Variants in LCORL observed in about 807,000 individuals in gnomAD.
LCORL encodes ligand-dependent nuclear receptor corepressor-like protein.
LCORL carries 41 observed loss-of-function variants against 141.8 expected under a neutral mutation model. The ratio of observed to expected loss-of-function variants is 0.29; its 90% CI spans 0.23 to 0.38. LCORL has a LOEUF of 0.38. LCORL is among the 10% of genes least tolerant of loss of function. LCORL has a pLI of 1.00. For missense variants in LCORL, 1,759 were observed against 2,035.0 expected, an observed-to-expected ratio of 0.86 and a Z score of 2.61; for synonymous variants, 618 against 694.1, an observed-to-expected ratio of 0.89 and a Z score of 1.72.
At chr4:17,982,788 T>C (rs903116932) in intron 1 of LCORL, among the ~76,000 whole-genome samples, 1 of 152,210 alleles carries the variant, frequency 6.6e-6, no homozygotes, top group Non-Finnish European at 1.5e-5. Context: ...ATTTGCCAAT[T>C]TTTGTTTTCA....
At chr4:17,987,458 T>C (rs926351266) in intron 1 of LCORL, among the ~76,000 whole-genome samples, 2 of 152,230 alleles carry the variant, frequency 1.3e-5, no homozygotes, top group Non-Finnish European at 2.9e-5. Context: ...ATTGATTTGC[T>C]AGCTAATGAA....
chr4:17,889,449 T>C (rs764506203), intron 5 of LCORL, among the ~76,000 whole-genome samples: 39 of 152,146 alleles, frequency 2.6e-4, no homozygotes, highest in Non-Finnish European at 5.1e-4. Flanking sequence ...AAAATTCTTT[T>C]ATCAATTAAT....
intron 6 of LCORL, chr4:17,881,251 G>A: frequency 1.0e-6 from 1 of 982,294 alleles, no homozygotes; most frequent in Non-Finnish European, 1.2e-6. Flanking sequence ...TGCTGAAACG[G>A]GATTTTTCAG....
chr4:17,965,323 T>A (rs1714653768), intron 2 of LCORL, among the ~76,000 whole-genome samples: 1 of 152,058 alleles, frequency 6.6e-6, no homozygotes, highest in African/African-American at 2.4e-5. Context: ...TTTTGAAAAA[T>A]CAACTCTAGG....
intron 4 of LCORL, among the ~76,000 whole-genome samples, chr4:17,955,337 G>A (rs2109562566): frequency 6.6e-6 from 1 of 152,242 alleles, no homozygotes; most frequent in East Asian, 1.9e-4. Context: ...TCAGTGGAGT[G>A]GTAGGAAAGA....
intron 7 of LCORL, among the ~76,000 whole-genome samples, chr4:17,862,085 A>G (rs1725078321): frequency 1.3e-5 from 2 of 152,148 alleles, no homozygotes; most frequent in Admixed American, 1.3e-4. Flanking sequence ...GGTTGCTTCC[A>G]GATTTTCAGG....
exon 8 of LCORL, chr4:17,842,908 T>A (rs1560237195): frequency 6.2e-6 from 1 of 161,824 alleles, no homozygotes; most frequent in African/African-American, 2.4e-5. Flanking sequence ...GGGAAACTTG[T>A]TTTTTACTAT....
At chr4:17,895,741 C>T (rs1168155451) in intron 5 of LCORL, among the ~76,000 whole-genome samples, 1 of 152,180 alleles carries the variant, frequency 6.6e-6, no homozygotes, top group Non-Finnish European at 1.5e-5. Flanking sequence ...AACCAGTAAT[C>T]TACTTTCTAT....
In LCORL at chr4:17,898,969, TGACA is replaced by T. The variant is rs532313478; in HGVS notation, c.682+10121_682+10124del. The stretch of plus-strand genomic sequence containing the variant: ...GAAAATGTCTGTTGCTTAACAGCTT[TGACA>T]AACAGGGTATATAGCTAAACTTGAA... On this transcript the variant is annotated intron_variant, in intron 5 of 7. Transcript: ENST00000635767. Among the ~76,000 whole-genome samples, 32 of 152,344 alleles carry T rather than the reference TGACA, an allele frequency of 2.1e-4. 1 individual carries two copies. In the South Asian group the frequency reaches 3.7e-3, roughly 18 times the overall value.
At chr4:18,007,496 T>C (rs1459701476) in intron 1 of LCORL, among the ~76,000 whole-genome samples, 2 of 152,194 alleles carry the variant, frequency 1.3e-5, no homozygotes, top group African/African-American at 4.8e-5. Context: ...CTGTATATGC[T>C]TCTATTATCG....
chr4:17,956,860 A>C (rs969200478), intron 4 of LCORL, among the ~76,000 whole-genome samples: 1 of 152,148 alleles, frequency 6.6e-6, no homozygotes, highest in Non-Finnish European at 1.5e-5. Context: ...TTGTTATTAC[A>C]CATTGTATAC....
At chr4:17,996,538 T>G (rs1720946343) in intron 1 of LCORL, among the ~76,000 whole-genome samples, 1 of 151,928 alleles carries the variant, frequency 6.6e-6, no homozygotes, top group Non-Finnish European at 1.5e-5. Context: ...AATATATACC[T>G]CCAGGATGGA....
chr4:17,860,191 T>C (rs1171265980), intron 7 of LCORL, among the ~76,000 whole-genome samples: 1 of 152,192 alleles, frequency 6.6e-6, no homozygotes, highest in Non-Finnish European at 1.5e-5. Context: ...AGGCATCACA[T>C]TACCTGACTT....
chr4:17,856,793 G>A (rs1305333076), intron 7 of LCORL, among the ~76,000 whole-genome samples: 1 of 152,066 alleles, frequency 6.6e-6, no homozygotes, highest in African/African-American at 2.4e-5. Context: ...TAGCCTAGAT[G>A]TCTCAACTCC....
At chr4:17,967,415 TTAA>T (rs1323333884) in intron 2 of LCORL, among the ~76,000 whole-genome samples, 2 of 152,260 alleles carry the variant, frequency 1.3e-5, no homozygotes, top group South Asian at 2.1e-4. Flanking sequence ...TGGAATTTTG[TTAA>T]TAATAATTTA....
intron 1 of LCORL, among the ~76,000 whole-genome samples, chr4:18,002,320 C>A (rs1462146676): frequency 6.6e-6 from 1 of 151,938 alleles, no homozygotes; most frequent in Non-Finnish European, 1.5e-5. Context: ...ATAAACAATG[C>A]TTTCTTACTG....
chr4:17,857,040 A>C (rs909061760), intron 7 of LCORL, among the ~76,000 whole-genome samples: 1 of 152,342 alleles, frequency 6.6e-6, no homozygotes, highest in East Asian at 1.9e-4. Context: ...CTGGACAAAT[A>C]TTTGCTGAAA....
Position 17,877,603 on chromosome 4 carries a change from C to T in LCORL, c.1387G>A (p.Ala463Thr), listed in dbSNP as rs1727056344. 5.7e-6 allele frequency: 7 copies of T among 1,230,646 alleles called. No individual in the cohort carries two copies. The South Asian group carries it at 2.9e-4, about 51-fold the overall frequency. The allele number at this position is 1,230,646 out of a possible 1,614,324, so 76.2% of individuals were successfully genotyped here. A position where few individuals can be genotyped will look rare whatever the true frequency, so the allele number is the denominator to read the frequency against. The change falls in exon 7 of 8, where the codon GCC (alanine) becomes ACC (threonine). Residue 463 changes from alanine to threonine, a missense_variant. Ala to Thr is a moderately conservative substitution (Grantham distance 58). Around this residue, in one of 5 missense-constraint regions of LCORL, gnomAD observed 1,311 missense variants for 1,531.3 expected, o/e 0.86. Transcript: ENST00000635767. ...GCTTCAAGTTTGTTATTTTCTAAGG[C>T]TGAAATCTCTGAGATGACGTCTTTC...
At position 17,846,252 on chromosome 4, in the gene LCORL, A is replaced by G. The variant is rs190576034; in HGVS notation, c.5603-351T>C. ...GGATCAGAATGAGAGCCACTTTGAG[A>G]AAAAAAAGGGATCAACATTTGTTGA... On this transcript the variant is annotated intron_variant, in intron 7 of 7. Transcript: ENST00000635767. Among the ~76,000 whole-genome samples, 5 of 152,070 alleles carry G rather than the reference A, an allele frequency of 3.3e-5. No homozygotes were observed. The East Asian group carries it at 5.8e-4, about 18-fold the overall frequency.
Sources: gnomAD v4.1 joint callset for allele counts (sites outside exome capture counted in the v4.1 genomes callset) on GRCh38, gnomAD v4.1.1 for gene constraint, gnomAD v4.1.1 regional missense constraint, MANE v1.5 for transcripts, NCBI Gene and HGNC (gene_info 2026-07-23, HGNC 2026-07-21) for gene names.